The following NPAS3 variants were observed in gnomAD, a reference collection of about 807,000 sequenced individuals.
NPAS3 encodes the protein neuronal PAS domain protein 3, also known as neuronal PAS domain-containing protein 3.
In NPAS3, 14 loss-of-function variants were observed where a neutral mutation model predicts 73.1. The observed-to-expected ratio is 0.19, with a 90% CI of 0.13 to 0.30. The LOEUF is 0.30. Among genes scored for constraint, NPAS3 ranks in the 10% least tolerant of loss-of-function variants. The pLI, the probability that NPAS3 is intolerant of heterozygous loss-of-function variation, is 1.00. For synonymous variants in NPAS3, 620 were observed against 541.5 expected (o/e 1.14, Z -2.01); for missense variants, 1,096 against 1,250.0 (o/e 0.88, Z 1.86).
intron 2 of NPAS3, among the ~76,000 whole-genome samples, chr14:33,197,365 C>T (rs1230018876): frequency 6.6e-6 from 1 of 151,984 alleles, no homozygotes; most frequent in Non-Finnish European, 1.5e-5. Flanking sequence ...CTTGCTCCCA[C>T]CTGCTGTGAG....
intron 1 of NPAS3, among the ~76,000 whole-genome samples, chr14:32,987,146 A>T (rs2038132864): frequency 6.6e-6 from 1 of 152,190 alleles, no homozygotes; most frequent in Admixed American, 6.5e-5. Context: ...GAAAATAAGC[A>T]CAATACCTTA....
At chr14:33,074,021 G>A (rs2041573705) in intron 2 of NPAS3, among the ~76,000 whole-genome samples, 1 of 152,192 alleles carries the variant, frequency 6.6e-6, no homozygotes, top group Non-Finnish European at 1.5e-5. Context: ...GAAAGTTTGA[G>A]GACCACTGTT....
In NPAS3 at chr14:33,587,065, A is replaced by G. The variant is rs114180944; in HGVS notation, c.558+26855A>G. ...CTCTCCTAGCCTCTTAAATAGTTTC[A>G]TTCTTCTTTTGCCTTACTTTCCCCA... On this transcript the variant is annotated intron_variant, in intron 5 of 11. Coordinates refer to ENST00000356141, the Ensembl canonical transcript of NPAS3. Among the ~76,000 whole-genome samples the G allele has an allele frequency of 7.0e-3, 1,064 of 152,216 alleles. 11 individuals carry two copies. Among genetic ancestry groups the G allele is most frequent in the African/African-American group, 0.024 (995 of 41,534 alleles).
intron 1 of NPAS3, among the ~76,000 whole-genome samples, chr14:32,961,799 G>A (rs2036932917): frequency 6.6e-6 from 1 of 152,106 alleles, no homozygotes; most frequent in African/African-American, 2.4e-5. Context: ...TAGAAGCTAT[G>A]AACTTTGCTA....
intron 4 of NPAS3, among the ~76,000 whole-genome samples, chr14:33,508,458 A>G (rs554781713): frequency 6.6e-6 from 1 of 152,174 alleles, no homozygotes; most frequent in South Asian, 2.1e-4. Flanking sequence ...AGCCAAAACC[A>G]GATTTATTGA....
At chr14:33,121,092 T>G (rs2043215256) in intron 2 of NPAS3, among the ~76,000 whole-genome samples, 1 of 152,076 alleles carries the variant, frequency 6.6e-6, no homozygotes, top group Non-Finnish European at 1.5e-5. Context: ...TTTGACCTCT[T>G]AACAGTCAGT....
chr14:33,655,436 G>A (rs1400731399), intron 5 of NPAS3, among the ~76,000 whole-genome samples: 1 of 150,600 alleles, frequency 6.6e-6, no homozygotes, highest in East Asian at 2.0e-4. Context: ...ACACAACAGG[G>A]CAATGTACAT....
At position 32,961,614 on chromosome 14, in the gene NPAS3, A is replaced by AT. The variant is rs141323019; in HGVS notation, c.50+22249dup. On this transcript the variant is annotated intron_variant, in intron 1 of 11. Coordinates refer to ENST00000356141, the Ensembl canonical transcript of NPAS3. The stretch of plus-strand genomic sequence containing the variant: ...CAGGGACACACCTTCCATCATCATC[A>AT]TGATCATTGTCATCATCCTCATTCT... Among the ~76,000 whole-genome samples the AT allele has an allele frequency of 8.2e-3, 1,252 of 152,160 alleles. 9 individuals carry two copies. The highest frequency in any genetic ancestry group is 0.029 in the African/African-American group (1,206 of 41,502).
At chr14:33,344,236 A>G (rs374304337) in intron 3 of NPAS3, among the ~76,000 whole-genome samples, 3 of 152,246 alleles carry the variant, frequency 2.0e-5, no homozygotes, top group Non-Finnish European at 2.9e-5. Context: ...TTACGTAACC[A>G]GGGATTGAAA....
At chr14:33,194,566 C>T (rs1351205012) in intron 2 of NPAS3, among the ~76,000 whole-genome samples, 1 of 152,106 alleles carries the variant, frequency 6.6e-6, no homozygotes, top group Non-Finnish European at 1.5e-5. Flanking sequence ...TGGTTTGTTG[C>T]CTTTTTCTTA....
At chr14:33,672,340 C>A (rs1290292214) in intron 5 of NPAS3, among the ~76,000 whole-genome samples, 4 of 152,098 alleles carry the variant, frequency 2.6e-5, no homozygotes, top group Non-Finnish European at 4.4e-5. Context: ...CATAAAAGAA[C>A]CACCTTAAAC....
intron 4 of NPAS3, among the ~76,000 whole-genome samples, chr14:33,413,508 G>A (rs995380488): frequency 6.6e-6 from 1 of 152,062 alleles, no homozygotes; most frequent in Non-Finnish European, 1.5e-5. Flanking sequence ...AAGGCCCAGA[G>A]TGAGCCCTTT....
At chr14:33,752,911 G>C (rs72664566) in intron 7 of NPAS3, among the ~76,000 whole-genome samples, 1 of 152,012 alleles carries the variant, frequency 6.6e-6, no homozygotes, top group Non-Finnish European at 1.5e-5. Context: ...CATAATATGG[G>C]CACTTAGCAA....
chr14:33,560,305 A>G, intron 5 of NPAS3, 95 bp downstream of exon 5: 1 of 642,730 alleles, frequency 1.6e-6, no homozygotes, highest in Admixed American at 2.3e-5. Context: ...TTTAGCATGA[A>G]TTATCAAATG....
chr14:32,975,320 C>CCCTTCCTCCGTCACTCCCTT (rs2037618073), intron 1 of NPAS3, among the ~76,000 whole-genome samples: 2 of 147,094 alleles, frequency 1.4e-5, no homozygotes, highest in South Asian at 4.8e-4. Flanking sequence ...CTCCGTCACT[C>CCCTTCCTCCGTCACTCCCTT]CCTGCCTCCT....
At chr14:33,519,364 T>A (rs1460083816) in intron 4 of NPAS3, among the ~76,000 whole-genome samples, 1 of 152,074 alleles carries the variant, frequency 6.6e-6, no homozygotes, top group Non-Finnish European at 1.5e-5. Flanking sequence ...CTCTTACTTT[T>A]CCTGGGACTC....
chr14:33,105,808 G>T (rs2042707228), intron 2 of NPAS3, among the ~76,000 whole-genome samples: 1 of 152,080 alleles, frequency 6.6e-6, no homozygotes, highest in Admixed American at 6.6e-5. Flanking sequence ...AAAAATCTTA[G>T]TTAAAAAATG....
At chr14:32,996,245 A>AATTGAATG (rs2139521447) in intron 1 of NPAS3, among the ~76,000 whole-genome samples, 1 of 152,316 alleles carries the variant, frequency 6.6e-6, no homozygotes, top group Admixed American at 6.5e-5. Flanking sequence ...TCAATAGGTG[A>AATTGAATG]CTTGGGTGCT....
chr14:33,802,952 G>A (rs886766277), downstream of NPAS3: 1 of 151,530 alleles, frequency 6.6e-6, no homozygotes, highest in African/African-American at 2.4e-5. Context: ...TTCATTCTCA[G>A]AGATAAAAAG....
Sources: allele counts gnomAD v4.1 joint callset (sites outside exome capture counted in the v4.1 genomes callset), GRCh38; gene constraint gnomAD v4.1.1; transcripts MANE v1.5; gene names NCBI Gene and HGNC (gene_info 2026-07-23, HGNC 2026-07-21).